RFPL3: variants seen among roughly 807,000 people sequenced by gnomAD.
RFPL3 encodes the protein ret finger protein-like 3.
Under a neutral mutation model 8.7 loss-of-function variants are expected in RFPL3, and 8 were observed. The ratio of observed to expected loss-of-function variants is 0.92; its 90% confidence interval spans 0.54 to 1.66. The LOEUF is 1.66. RFPL3 is among the 40% of genes most tolerant of loss of function. The pLI, the probability that RFPL3 is intolerant of heterozygous loss-of-function variation, is 0.00. For synonymous variants in RFPL3, 145 were observed against 150.5 expected (o/e 0.96, Z 0.27); for missense variants, 341 against 395.0 (o/e 0.86, Z 1.16).
intron 1 of RFPL3, chr22:32,360,024 C>T (rs1225066163): frequency 1.0e-5 from 6 of 575,390 alleles, no homozygotes; most frequent in Admixed American, 3.5e-5. Flanking sequence ...AAACACGTGA[C>T]GTAAAGTAAA....
intron 1 of RFPL3, among the ~76,000 whole-genome samples, 196 bp downstream of exon 1, chr22:32,358,640 G>A (rs531728801): frequency 2.7e-4 from 41 of 152,152 alleles, no homozygotes; most frequent in Non-Finnish European, 4.4e-4. Flanking sequence ...ACAAAAACCC[G>A]ATGTCTATGT....
upstream of RFPL3, chr22:32,356,560 A>G (rs1251824013): frequency 2.1e-5 from 4 of 187,756 alleles, no homozygotes. Flanking sequence ...GAGGATATTT[A>G]TTAAGGGTTT....
rs2145871229 is a variant in RFPL3, at chr22:32,361,119, T to C, written c.*287T>C. The C allele has an allele frequency of 3.4e-6, 1 of 292,284 alleles. No individual in the cohort carries two copies. The highest frequency in any genetic ancestry group is 6.3e-6 in the Non-Finnish European group (1 of 159,272). 18.1% of individuals were successfully genotyped at this position (292,284 alleles called of 1,614,324 possible). ...CATTTCTGTAAGTTCAAATCAATGT[T>C]TAAATTATAGAAGTTATGAGGTAAA... On this transcript the variant is annotated 3_prime_UTR_variant, in exon 2 of 2. Coordinates refer to ENST00000249007, the MANE Select transcript of RFPL3 (RefSeq NM_001098535.1).
chr22:32,355,242 C>G (rs1932625321), upstream of RFPL3, among the ~76,000 whole-genome samples: 1 of 147,672 alleles, frequency 6.8e-6, no homozygotes, highest in South Asian at 2.1e-4. Flanking sequence ...GCAAATAAAG[C>G]CCAATCAGAG....
chr22:32,360,626 G>T lies in RFPL3; in HGVS notation c.748G>T (p.Asp250Tyr). Reference sequence around the variant, plus strand: ...GTTACAGCGAGTGGGGATTTTTCTGGATATGGGCATGCAGAACGTTTCCTT... The same window carrying T: ...GTTACAGCGAGTGGGGATTTTTCTGTATATGGGCATGCAGAACGTTTCCTT... ...RKLQRVGIFL[D>Y]MGMQNVSFFD... The change falls in exon 2 of 2, where the codon GAT becomes TAT. Residue 250 changes from aspartate (D) to tyrosine (Y), a missense_variant. By Grantham distance (160) the Asp-to-Tyr change is radical. Transcript: ENST00000249007. 6.2e-7 allele frequency: 1 copy of T among 1,613,398 alleles called. No individual in the cohort carries two copies. The highest frequency in any genetic ancestry group is 8.5e-7 in the Non-Finnish European group (1 of 1,179,488).
rs1202474855 is a variant in RFPL3 at position 32,360,656 on chromosome 22, GATGCTGAAAGTGGTTCCCATGTCT to G, written c.781_804del (p.Ala261_Tyr268del). 1 of 1,612,926 alleles carries G rather than the reference GATGCTGAAAGTGGTTCCCATGTCT, an allele frequency of 6.2e-7. No homozygotes were observed. Among genetic ancestry groups the G allele is most frequent in the African/African-American group, 1.3e-5 (1 of 74,810 alleles). On this transcript the variant is annotated inframe_deletion, in exon 2 of 2. Transcript: ENST00000249007. Reference sequence around the variant, plus strand: ...GGGCATGCAGAACGTTTCCTTTTTTGATGCTGAAAGTGGTTCCCATGTCTATACATTCAGGAGCGTCTCTGCTGA... The same window carrying G: ...GGGCATGCAGAACGTTTCCTTTTTTGATACATTCAGGAGCGTCTCTGCTGA...
upstream of RFPL3, among the ~76,000 whole-genome samples, chr22:32,356,353 G>A (rs1210959304): frequency 6.6e-6 from 1 of 152,024 alleles, no homozygotes; most frequent in Non-Finnish European, 1.5e-5. Flanking sequence ...TGGAGAGAGA[G>A]GTGTTCAGTG....
rs1301258776 is a variant in RFPL3 at position 32,358,149 on chromosome 22, G to C, written c.78G>C (p.Leu26=). 6.2e-7 allele frequency: 1 copy of C among 1,613,802 alleles called. No homozygotes were observed. The highest frequency in any genetic ancestry group is 1.7e-5 in the Admixed American group (1 of 59,994). The stretch of plus-strand genomic sequence containing the variant: ...TTCTTCCCTTGTGTACTTTTCCCCT[G>C]GCAGTGGACATGGCTGCACTCTTCC... ...GNFLPLCTFP[L]AVDMAALFQE... is the part of the protein sequence containing the mutation. The change falls in exon 1 of 2, where the codon CTG becomes CTC. Residue 26 remains leucine, a synonymous_variant. Transcript: ENST00000249007.
chr22:32,358,443 A>G lies in RFPL3; in HGVS notation c.372A>G (p.Gln124=), dbSNP rs1167932841. The G allele has an allele frequency of 3.7e-6, 6 of 1,612,184 alleles. No homozygotes were observed. The highest frequency in any genetic ancestry group is 3.4e-6 in the Non-Finnish European group (4 of 1,179,152). ...TGAACCCAAGGATGCGGAAGTTCCA[A>G]GGTAAGGAATCTGTATACCCTGCCC... ...LQMNPRMRKF[Q]VDMTLDADTA... The change falls in exon 1 of 2, where the codon CAA becomes CAG. Residue 124 remains glutamine, a splice_region_variant and synonymous_variant. Coordinates refer to ENST00000249007, the MANE Select transcript of RFPL3 (RefSeq NM_001098535.1).
chr22:32,357,823 A>T (rs1932718781), upstream of RFPL3: 9 of 1,371,426 alleles, frequency 6.6e-6, no homozygotes, highest in South Asian at 1.4e-4. Context: ...TTCCCCTAGG[A>T]GGTGGTGAAA....
chr22:32,358,897 A>C (rs182170557), intron 1 of RFPL3, among the ~76,000 whole-genome samples: 5 of 152,318 alleles, frequency 3.3e-5, no homozygotes, highest in South Asian at 2.1e-4. Context: ...TGTACCAAAC[A>C]ACCTCACCCC....
In RFPL3 at chr22:32,360,349, A is replaced by T; in HGVS notation, c.471A>T (p.Gln157His). ...VRSGLITQNRQDLAERFDVSV... is the reference protein window; with the variant it reads ...VRSGLITQNRHDLAERFDVSV... ...GTGGGCTCATCACACAGAATCGGCA[A>T]GACCTTGCCGAGAGATTTGACGTGT... Residue 157 changes from glutamine (Q) to histidine (H), a missense_variant, in exon 2 of 2, where the codon CAA becomes CAT. Coordinates refer to ENST00000249007, the MANE Select transcript of RFPL3 (RefSeq NM_001098535.1). The T allele has an allele frequency of 1.9e-6, 3 of 1,613,966 alleles. No homozygotes were observed. Among genetic ancestry groups the T allele is most frequent in the Non-Finnish European group, 2.5e-6 (3 of 1,179,862 alleles).
upstream of RFPL3, among the ~76,000 whole-genome samples, chr22:32,356,320 G>A (rs1932665815): frequency 2.0e-5 from 3 of 152,098 alleles, no homozygotes; most frequent in African/African-American, 7.2e-5. Flanking sequence ...AAGCTGCAAG[G>A]AGGAAGAGGT....
In RFPL3 at chr22:32,360,695, G is replaced by T; in HGVS notation, c.817G>T (p.Val273Phe). ...SGSHVYTFRS[V>F]SAEEPLRPFL... is the part of the protein sequence containing the mutation. ...TTCCCATGTCTATACATTCAGGAGC[G>T]TCTCTGCTGAGGAGCCACTGCGCCC... The change falls in exon 2 of 2, where the codon GTC becomes TTC. Residue 273 changes from valine to phenylalanine, a missense_variant. By Grantham distance (50) the Val-to-Phe change is conservative (BLOSUM62 -1). Transcript: ENST00000249007. 6.2e-7 allele frequency: 1 copy of T among 1,614,024 alleles called. No homozygotes were observed. The highest frequency in any genetic ancestry group is 1.7e-5 in the Admixed American group (1 of 60,008).
chr22:32,356,495 A>G (rs1932672652), upstream of RFPL3, among the ~76,000 whole-genome samples: 1 of 152,104 alleles, frequency 6.6e-6, no homozygotes, highest in Non-Finnish European at 1.5e-5. Flanking sequence ...GGTGAGTGTC[A>G]AATTATATGT....
Position 32,358,298 on chromosome 22 carries a change from T to C in RFPL3, c.227T>C (p.Leu76Pro). ...SLQKEPHGED[L>P]LCCCCSMVSQ... Reference sequence around the variant, plus strand: ...CAGAAGGAGCCCCATGGGGAGGATCTGCTTTGCTGTTGCTGTTCCATGGTC... The same window carrying C: ...CAGAAGGAGCCCCATGGGGAGGATCCGCTTTGCTGTTGCTGTTCCATGGTC... The change falls in exon 1 of 2, where the codon CTG becomes CCG. Residue 76 changes from leucine (L) to proline (P), a missense_variant. Transcript: ENST00000249007. 1.2e-6 allele frequency: 2 copies of C among 1,614,032 alleles called. No homozygotes were observed. The highest frequency in any genetic ancestry group is 2.2e-5 in the South Asian group (2 of 91,076).
At chr22:32,355,999 C>G (rs948214790), upstream of RFPL3, among the ~76,000 whole-genome samples, 1 of 152,080 alleles carries the variant, frequency 6.6e-6, no homozygotes, top group Non-Finnish European at 1.5e-5. Flanking sequence ...CTGGCTTCCT[C>G]CCATTTTTTT....
rs147764109 is a variant in RFPL3, at chr22:32,357,974, C to A, written c.-98C>A. On this transcript the variant is annotated 5_prime_UTR_variant, in exon 1 of 2. An upstream open reading frame in the 5' UTR gains an earlier in-frame stop. Transcript: ENST00000249007. Reference sequence around the variant, plus strand: ...ATTCGTGACTTTCCCAATAGAACTTCAAATCTCTGAGGACGGGGGGTGGGG... The same window carrying A: ...ATTCGTGACTTTCCCAATAGAACTTAAAATCTCTGAGGACGGGGGGTGGGG... 0.084 allele frequency: 130,015 copies of A among 1,546,924 alleles called. 5,803 individuals are homozygous for A. The highest frequency in any genetic ancestry group is 0.16 in the East Asian group (6,846 of 43,582).
chr22:32,357,501 C>G (rs1932708308), upstream of RFPL3, among the ~76,000 whole-genome samples: 2 of 149,430 alleles, frequency 1.3e-5, no homozygotes, highest in Admixed American at 1.4e-4. Flanking sequence ...GTGTCTCACT[C>G]TGTTGCCCAG....
Sources: gnomAD v4.1 joint callset for allele counts (sites outside exome capture counted in the v4.1 genomes callset) on GRCh38, gnomAD v4.1.1 for gene constraint, MANE v1.5 for transcripts, NCBI Gene and HGNC (gene_info 2026-07-23, HGNC 2026-07-21) for gene names.